Variants in GABRG3 observed in about 807,000 individuals in gnomAD.
The protein encoded by GABRG3 is gamma-aminobutyric acid receptor subunit gamma-3.
Under a neutral mutation model 48.8 loss-of-function variants are expected in GABRG3, and 25 were observed. The ratio of observed to expected loss-of-function variants is 0.51; its 90% CI spans 0.37 to 0.72. The LOEUF (loss-of-function observed/expected upper bound fraction) is 0.72. Ranked by LOEUF, GABRG3 falls within the 30% of genes least tolerant of loss-of-function variation. The pLI is 0.00. For missense variants in GABRG3, 394 were observed against 577.9 expected (o/e 0.68, Z 3.26); for synonymous variants, 227 against 217.6 (o/e 1.04, Z -0.38).
chr15:27,350,534 G>A (rs1392769126), intron 5 of GABRG3: 5 of 223,538 alleles, frequency 2.2e-5, no homozygotes, highest in East Asian at 2.2e-4. Context: ...TGGCGAAGGC[G>A]TGGGAGAGCA....
At chr15:27,221,126 A>G (rs1306739192) in intron 3 of GABRG3, among the ~76,000 whole-genome samples, 1 of 152,174 alleles carries the variant, frequency 6.6e-6, no homozygotes, top group Non-Finnish European at 1.5e-5. Context: ...TAGATGGGGC[A>G]TTTTACAAAA....
intron 9 of GABRG3, among the ~76,000 whole-genome samples, chr15:27,528,294 C>T (rs754141427): frequency 6.6e-6 from 1 of 152,110 alleles, no homozygotes; most frequent in Non-Finnish European, 1.5e-5. Context: ...GAATTATGAT[C>T]TTTATATTGT....
At chr15:27,164,023 A>G (rs767798175) in intron 3 of GABRG3, among the ~76,000 whole-genome samples, 22 of 152,214 alleles carry the variant, frequency 1.4e-4, no homozygotes, top group Non-Finnish European at 2.6e-4. Flanking sequence ...CCATGTTCGC[A>G]AGCAAATTTT....
chr15:27,087,585 G>A (rs1166053002), intron 3 of GABRG3, among the ~76,000 whole-genome samples: 1 of 152,222 alleles, frequency 6.6e-6, no homozygotes, highest in Non-Finnish European at 1.5e-5. Context: ...GGCCTGAGGT[G>A]TGTGCATGTC....
intron 5 of GABRG3, among the ~76,000 whole-genome samples, chr15:27,449,332 T>G (rs960020353): frequency 1.3e-5 from 2 of 152,192 alleles, no homozygotes; most frequent in African/African-American, 4.8e-5. Flanking sequence ...GGAAGGCTGG[T>G]GAAGCCCGGA....
At chr15:27,484,662 GC>G (rs1233395566) in intron 6 of GABRG3, among the ~76,000 whole-genome samples, 1 of 152,130 alleles carries the variant, frequency 6.6e-6, no homozygotes, top group Non-Finnish European at 1.5e-5. Context: ...TTGTGAGGCT[GC>G]AGCAGTGAAT....
intron 3 of GABRG3, among the ~76,000 whole-genome samples, chr15:27,266,748 C>T (rs926308207): frequency 6.6e-6 from 1 of 152,156 alleles, no homozygotes; most frequent in Admixed American, 6.5e-5. Context: ...TTTACATCTT[C>T]TGCCAGATTT....
chr15:27,360,916 G>C (rs1595703921), intron 5 of GABRG3, among the ~76,000 whole-genome samples: 2 of 152,318 alleles, frequency 1.3e-5, no homozygotes, highest in Non-Finnish European at 2.9e-5. Context: ...CACATTCACA[G>C]CTGAGCTCTA....
At chr15:27,240,147 G>A (rs1419580941) in intron 3 of GABRG3, among the ~76,000 whole-genome samples, 1 of 152,160 alleles carries the variant, frequency 6.6e-6, no homozygotes, top group Admixed American at 6.5e-5. Context: ...TCTATTAAAT[G>A]ATCATCGTGA....
At chr15:27,460,115 TA>T (rs1384788230) in intron 5 of GABRG3, among the ~76,000 whole-genome samples, 1 of 152,220 alleles carries the variant, frequency 6.6e-6, no homozygotes, top group African/African-American at 2.4e-5. Flanking sequence ...AACCTTTGGA[TA>T]AATTTAAGTA....
chr15:27,520,173 A>G, intron 7 of GABRG3, 49 bp downstream of exon 7: 1 of 1,501,890 alleles, frequency 6.7e-7, no homozygotes, highest in Non-Finnish European at 9.0e-7. Context: ...TGTAATATAG[A>G]AGCATTCATA....
At chr15:27,241,200 T>C (rs1890118107) in intron 3 of GABRG3, among the ~76,000 whole-genome samples, 1 of 152,214 alleles carries the variant, frequency 6.6e-6, no homozygotes, top group Non-Finnish European at 1.5e-5. Flanking sequence ...TTTCACATAC[T>C]ATATGGTACC....
At chr15:27,408,237 T>G (rs1887696083) in intron 5 of GABRG3, among the ~76,000 whole-genome samples, 1 of 152,206 alleles carries the variant, frequency 6.6e-6, no homozygotes, top group Non-Finnish European at 1.5e-5. Flanking sequence ...AGGGACTTTT[T>G]GCCAGGTCTC....
intron 3 of GABRG3, among the ~76,000 whole-genome samples, chr15:27,223,814 G>A (rs1429182707): frequency 3.3e-5 from 5 of 152,126 alleles, no homozygotes; most frequent in Non-Finnish European, 2.9e-5. Flanking sequence ...CCTGACCCAC[G>A]TCCTCATTGC....
At chr15:27,208,658 C>A (rs1888959229) in intron 3 of GABRG3, 1 of 154,400 alleles carries the variant, frequency 6.5e-6, no homozygotes, top group African/African-American at 2.4e-5. Context: ...GCCCGGCATG[C>A]TGTGCAGGAG....
At chr15:27,112,855 T>G (rs1017116847) in intron 3 of GABRG3, among the ~76,000 whole-genome samples, 1 of 152,222 alleles carries the variant, frequency 6.6e-6, no homozygotes, top group Admixed American at 6.5e-5. Flanking sequence ...TTTACAGCAC[T>G]GTGGTTTGTT....
At chr15:27,337,659 A>G (rs186236968) in intron 5 of GABRG3, among the ~76,000 whole-genome samples, 1 of 152,270 alleles carries the variant, frequency 6.6e-6, no homozygotes, top group East Asian at 1.9e-4. Flanking sequence ...CATGTTCTTC[A>G]TTCCTCTTTT....
chr15:27,422,157 A>G (rs2140612395), intron 5 of GABRG3, among the ~76,000 whole-genome samples: 2 of 151,874 alleles, frequency 1.3e-5, no homozygotes, highest in African/African-American at 4.8e-5. Flanking sequence ...TATCCAGGGG[A>G]GTGGGCTGCA....
chr15:27,304,416 A>G (rs1468691746), intron 3 of GABRG3, among the ~76,000 whole-genome samples: 2 of 152,000 alleles, frequency 1.3e-5, no homozygotes, highest in Non-Finnish European at 2.9e-5. Flanking sequence ...TTTTAAAAAA[A>G]TCAATTTATT....
Sources: gnomAD v4.1 joint callset for allele counts (sites outside exome capture counted in the v4.1 genomes callset) on GRCh38, gnomAD v4.1.1 for gene constraint, MANE v1.5 for transcripts, NCBI Gene and HGNC (gene_info 2026-07-23, HGNC 2026-07-21) for gene names.